Variants in EIF3C observed in about 807,000 individuals in gnomAD.
EIF3C encodes cell migration-inducing protein 17.
EIF3C carries 2 observed loss-of-function variants against 11.1 expected under a neutral mutation model. The observed-to-expected ratio is 0.18, with a 90% CI of 0.07 to 0.57. The LOEUF (loss-of-function observed/expected upper bound fraction) is 0.57, where lower values mean the gene tolerates loss of function less well. Among genes scored for constraint, EIF3C ranks in the 20% least tolerant of loss-of-function variants. EIF3C has a pLI of 0.92. For missense variants in EIF3C, 16 were observed against 114.6 expected, an observed-to-expected ratio of 0.14 and a Z score of 3.93; for synonymous variants, 2 against 41.5, an observed-to-expected ratio of 0.05 and a Z score of 3.66.
rs190967925 is a variant in EIF3C at position 28,700,626 on chromosome 16, C to T, written c.-30-11031C>T. 13 of 245,160 alleles carry T rather than the reference C, an allele frequency of 5.3e-5. 5 individuals are homozygous for T. In the East Asian group the frequency reaches 1.7e-3, roughly 32 times the overall value. 15.2% of individuals were successfully genotyped at this position (245,160 alleles called of 1,614,324 possible). A position where few individuals can be genotyped will look rare whatever the true frequency, so the allele number is the denominator to read the frequency against. On this transcript the variant is annotated intron_variant, in intron 1 of 20. Coordinates refer to the EIF3C transcript ENST00000566501. ...ACGCGCAGCTTGGCGCAGCCCCGCA[C>T]AGGCTCCGTGGAGGCTTCCAGCTCG...
At chr16:28,729,931 C>G (rs2048425304) in intron 15 of EIF3C, among the ~76,000 whole-genome samples, 1 of 150,502 alleles carries the variant, frequency 6.6e-6, no homozygotes, top group East Asian at 2.0e-4. Context: ...TGCACTCTAG[C>G]CTGGGCAACA....
At chr16:28,698,502 C>A (rs1386584328) in intron 1 of EIF3C, among the ~76,000 whole-genome samples, 2 of 84,908 alleles carry the variant, frequency 2.4e-5, no homozygotes, top group Non-Finnish European at 2.1e-5. Context: ...ACCTCCCTCC[C>A]GGATGGGGCG....
At position 28,723,410 on chromosome 16, in the gene EIF3C, C is replaced by T. The variant is rs1480105465; in HGVS notation, c.937-38C>T. On this transcript the variant is annotated intron_variant, in intron 9 of 20. Transcript: ENST00000331666. Reference sequence around the variant, plus strand: ...GTGGGGAAAAGGCAAGGACAGTTTCCCGCTGGCATGTACATGACGGGATAT... The same window carrying T: ...GTGGGGAAAAGGCAAGGACAGTTTCTCGCTGGCATGTACATGACGGGATAT... 3.1e-6 allele frequency: 5 copies of T among 1,612,536 alleles called. No individual in the cohort carries two copies. The South Asian group carries it at 4.4e-5, about 14-fold the overall frequency.
rs28516685 is a variant in EIF3C at position 28,699,488 on chromosome 16, G to C, written c.-31+10660G>C. Among the ~76,000 whole-genome samples, 16 of 39,412 alleles carry C rather than the reference G, an allele frequency of 4.1e-4. 1 individual carries two copies. Among genetic ancestry groups the C allele is most frequent in the Admixed American group, 9.7e-4 (3 of 3,098 alleles). 25.9% of individuals were successfully genotyped at this position (39,412 alleles called of 152,430 possible). On this transcript the variant is annotated intron_variant, in intron 1 of 20. Transcript: ENST00000566501. Reference sequence around the variant, plus strand: ...ACGGAGACGGAGACGGAGACGGAGAGGGAGAGGGAGAGGGAGAGGGAGAGG... The same window carrying C: ...ACGGAGACGGAGACGGAGACGGAGACGGAGAGGGAGAGGGAGAGGGAGAGG...
chr16:28,697,863 C>CG (rs2048248119), intron 1 of EIF3C, among the ~76,000 whole-genome samples: 2 of 84,762 alleles, frequency 2.4e-5, no homozygotes, highest in Non-Finnish European at 4.4e-5. Flanking sequence ...GCTGGCCGGG[C>CG]GGGGGGCTGA....
rs1242313952 is a variant in EIF3C, at chr16:28,704,436, G to A, written c.-30-7221G>A. Among the ~76,000 whole-genome samples, 7 of 110,048 alleles carry A rather than the reference G, an allele frequency of 6.4e-5. 2 individuals carry two copies. Among genetic ancestry groups the A allele is most frequent in the Admixed American group, 1.9e-4 (2 of 10,674 alleles). The allele number at this position is 110,048 out of a possible 152,430, so 72.2% of individuals were successfully genotyped here. A position where few individuals can be genotyped will look rare whatever the true frequency, so the allele number is the denominator to read the frequency against. On this transcript the variant is annotated intron_variant, in intron 1 of 20. Transcript: ENST00000566501. ...AAACTGGCCAGGCGTGGTGGCTCACGCTTGTAATCCCATGCTTTGGGAGGC... is the reference window on the plus strand; with the variant it reads ...AAACTGGCCAGGCGTGGTGGCTCACACTTGTAATCCCATGCTTTGGGAGGC...
At position 28,695,641 on chromosome 16, in the gene EIF3C, T is replaced by G; in HGVS notation, c.-31+6813T>G. 4.1e-5 allele frequency among the ~76,000 whole-genome samples: 2 copies of G among 48,638 alleles called. 1 individual carries two copies. 31.9% of individuals were successfully genotyped at this position (48,638 alleles called of 152,430 possible). A position where few individuals can be genotyped will look rare whatever the true frequency, so the allele number is the denominator to read the frequency against. ...CTCTCCCACCCATGGAGTGAGAGAA[T>G]CATGGTGGAAAGGGCTAAGGGAAAG... On this transcript the variant is annotated intron_variant, in intron 1 of 20. Transcript: ENST00000566501.
chr16:28,700,494 G>A (rs2048275228), intron 1 of EIF3C: 2 of 339,534 alleles, frequency 5.9e-6, no homozygotes, highest in African/African-American at 7.7e-5. Context: ...AAGCCCTTTT[G>A]GAGTTCCTCA....
At chr16:28,695,952 G>A (rs1422821832) in intron 1 of EIF3C, among the ~76,000 whole-genome samples, 1 of 50,060 alleles carries the variant, frequency 2.0e-5, no homozygotes, top group Non-Finnish European at 3.6e-5. Context: ...TCATCCTACT[G>A]CACTCCAGCC....
upstream of EIF3C, among the ~76,000 whole-genome samples, chr16:28,709,923 C>CAAA (rs1310810646): frequency 7.7e-4 from 10 of 13,054 alleles, no homozygotes; most frequent in African/African-American, 4.2e-3. Context: ...AACTCCATCT[C>CAAA]AAAAAAAAAA....
intron 15 of EIF3C, among the ~76,000 whole-genome samples, chr16:28,728,044 C>CTCTATCT (rs2048398301): frequency 2.0e-5 from 1 of 49,344 alleles, no homozygotes; most frequent in African/African-American, 6.8e-5. Flanking sequence ...TAGGGTTTCA[C>CTCTATCT]CATGTTGGCC....
At position 28,700,377 on chromosome 16, in the gene EIF3C, G is replaced by A. The variant is rs768879438; in HGVS notation, c.-30-11280G>A. On this transcript the variant is annotated intron_variant, in intron 1 of 20. Coordinates refer to the EIF3C transcript ENST00000566501. ...ACTCCTCCTCTCCCTCCTTGGCCTC[G>A]CTGACCTCAGAGTTGGGGACCCGGA... 3.2e-5 allele frequency: 12 copies of A among 378,088 alleles called. 3 individuals carry two copies. The highest frequency in any genetic ancestry group is 1.7e-4 in the South Asian group (5 of 29,832). The allele number at this position is 378,088 out of a possible 1,614,324, so 23.4% of individuals were successfully genotyped here. A position where few individuals can be genotyped will look rare whatever the true frequency, so the allele number is the denominator to read the frequency against.
intron 1 of EIF3C, among the ~76,000 whole-genome samples, chr16:28,699,821 G>T (rs1344597879): frequency 2.1e-5 from 2 of 95,944 alleles, no homozygotes; most frequent in African/African-American, 9.2e-5. Context: ...TGGGATTACG[G>T]GTGTGAGCCA....
intron 1 of EIF3C, among the ~76,000 whole-genome samples, chr16:28,697,791 C>T (rs1356974194): frequency 1.0e-5 from 1 of 97,696 alleles, no homozygotes. Flanking sequence ...CCTCACCTCC[C>T]GGATGGGGCG....
At chr16:28,728,521 G>GGGTGT (rs1555491254) in intron 15 of EIF3C, among the ~76,000 whole-genome samples, 2 of 87,010 alleles carry the variant, frequency 2.3e-5, no homozygotes, top group Non-Finnish European at 5.8e-5. Context: ...ATCTTTTAGG[G>GGGTGT]GTGTGTGTGT....
intron 8 of EIF3C, among the ~76,000 whole-genome samples, chr16:28,718,614 GTTT>G (rs576228155): frequency 4.9e-4 from 22 of 45,256 alleles, no homozygotes; most frequent in East Asian, 3.8e-3. Flanking sequence ...CTTGTTTAAA[GTTT>G]TTTTTTTTTT....
chr16:28,703,763 TA>T (rs1415490350), intron 1 of EIF3C, among the ~76,000 whole-genome samples: 429 of 55,100 alleles, frequency 7.8e-3, no homozygotes, highest in African/African-American at 0.036. Flanking sequence ...TGCACGCCTG[TA>T]ATCTAAGCTA....
chr16:28,703,044 A>C (rs2048283710), intron 1 of EIF3C, among the ~76,000 whole-genome samples: 1 of 16,506 alleles, frequency 6.1e-5, no homozygotes. Flanking sequence ...AAAAAAAAAA[A>C]AAAACTAGCT....
chr16:28,698,459 G>T lies in EIF3C; in HGVS notation c.-31+9631G>T, dbSNP rs1242864507. Among the ~76,000 whole-genome samples, 36 of 63,026 alleles carry T rather than the reference G, an allele frequency of 5.7e-4. 2 individuals are homozygous for T. Among genetic ancestry groups the T allele is most frequent in the Non-Finnish European group, 8.6e-4 (32 of 37,102 alleles). The allele number at this position is 63,026 out of a possible 152,430, so 41.3% of individuals were successfully genotyped here. ...GACCCCCCCACCTCCCTCCCGGATGGCACGGCTGGCCAGGCGGAGGGGCTG... is the reference window on the plus strand; with the variant it reads ...GACCCCCCCACCTCCCTCCCGGATGTCACGGCTGGCCAGGCGGAGGGGCTG... On this transcript the variant is annotated intron_variant, in intron 1 of 20. Transcript: ENST00000566501.
Sources: allele counts gnomAD v4.1 joint callset (sites outside exome capture counted in the v4.1 genomes callset), GRCh38; gene constraint gnomAD v4.1.1; transcripts MANE v1.5; gene names NCBI Gene and HGNC (gene_info 2026-07-23, HGNC 2026-07-21).